Variants in GLYATL2 observed in about 807,000 individuals in gnomAD.
The protein encoded by GLYATL2 is glycine-N-acyltransferase like 2.
A neutral mutation model predicts 21.4 loss-of-function variants in GLYATL2; 25 were observed. The observed-to-expected ratio is 1.17, with a 90% CI of 0.85 to 1.63. The LOEUF (loss-of-function observed/expected upper bound fraction) is 1.63. Ranked by LOEUF, GLYATL2 falls within the 40% of genes most tolerant of loss-of-function variation. GLYATL2 has a pLI of 0.00. For synonymous variants in GLYATL2, 114 were observed against 118.2 expected, an observed-to-expected ratio of 0.96 and a Z score of 0.23; for missense variants, 361 against 343.3, an observed-to-expected ratio of 1.05 and a Z score of -0.41.
intron 1 of GLYATL2, among the ~76,000 whole-genome samples, chr11:58,895,947 A>T (rs1218071617): frequency 6.6e-6 from 1 of 151,190 alleles, no homozygotes; most frequent in Non-Finnish European, 1.5e-5. Flanking sequence ...TCTGCCTCCC[A>T]GGTTCAAGCA....
chr11:58,864,571 G>T (rs1225639133), intron 1 of GLYATL2, among the ~76,000 whole-genome samples: 3 of 148,926 alleles, frequency 2.0e-5, no homozygotes, highest in Non-Finnish European at 4.5e-5. Context: ...TCAACACAAA[G>T]GTTGCCTGTC....
At chr11:58,889,962 C>T (rs140256962) in intron 1 of GLYATL2, among the ~76,000 whole-genome samples, 7 of 152,106 alleles carry the variant, frequency 4.6e-5, no homozygotes, top group African/African-American at 1.7e-4. Flanking sequence ...TTTCAACTTT[C>T]CTTTTAGATA....
At chr11:58,853,942 G>C (rs558146) in intron 1 of GLYATL2, among the ~76,000 whole-genome samples, 134,966 of 152,098 alleles carry the variant, frequency 0.89, 61,038 homozygotes, top group Non-Finnish European at 0.98. Context: ...TGTATCCTGT[G>C]ACCATCTCCC....
At chr11:58,896,664 T>C (rs1025018216) in intron 1 of GLYATL2, among the ~76,000 whole-genome samples, 2 of 152,220 alleles carry the variant, frequency 1.3e-5, no homozygotes, top group Non-Finnish European at 2.9e-5. Flanking sequence ...TTAGAGAGGC[T>C]GCAATAAAAG....
At chr11:58,884,960 A>G (rs1429440320) in intron 1 of GLYATL2, 1 of 156,750 alleles carries the variant, frequency 6.4e-6, no homozygotes, top group African/African-American at 2.4e-5. Flanking sequence ...ATCCTGCTGA[A>G]TAATTGCCAG....
intron 1 of GLYATL2, among the ~76,000 whole-genome samples, chr11:58,881,430 T>C (rs1212219482): frequency 1.3e-5 from 2 of 152,348 alleles, no homozygotes; most frequent in African/African-American, 2.4e-5. Context: ...TTTACAGATA[T>C]GTGTCAAAAT....
chr11:58,876,582 C>G (rs1012838412), intron 1 of GLYATL2, among the ~76,000 whole-genome samples: 3 of 152,200 alleles, frequency 2.0e-5, no homozygotes, highest in Non-Finnish European at 4.4e-5. Context: ...TAGGTATCAG[C>G]AGTGGTGGCT....
At chr11:58,865,978 G>A (rs567080069) in intron 1 of GLYATL2, among the ~76,000 whole-genome samples, 1 of 149,002 alleles carries the variant, frequency 6.7e-6, no homozygotes, top group African/African-American at 2.4e-5. Context: ...GAGCTTCAGA[G>A]CTTTAAAATG....
intron 5 of GLYATL2, among the ~76,000 whole-genome samples, chr11:58,835,651 C>T (rs1020573386): frequency 4.6e-5 from 7 of 152,098 alleles, no homozygotes; most frequent in African/African-American, 7.2e-5. Context: ...AAGTTTTCTA[C>T]GGGCGATGCT....
At chr11:58,888,637 T>G (rs1025852530) in intron 1 of GLYATL2, among the ~76,000 whole-genome samples, 2 of 151,940 alleles carry the variant, frequency 1.3e-5, no homozygotes, top group Admixed American at 6.6e-5. Context: ...TATTTCTGTA[T>G]TTGTTTCTAG....
At position 58,839,635 on chromosome 11, in the gene GLYATL2, T is replaced by C; in HGVS notation, c.-23A>G. On this transcript the variant is annotated 5_prime_UTR_variant, in exon 2 of 6. Coordinates refer to ENST00000287275, the MANE Select transcript of GLYATL2 (RefSeq NM_145016.4). Reference sequence around the variant, plus strand: ...CATCTTATGTAGCACTTCAGCTTCTTTCCCTCAAGAAGATGATCTAAGGAA... The same window carrying C: ...CATCTTATGTAGCACTTCAGCTTCTCTCCCTCAAGAAGATGATCTAAGGAA... The C allele has an allele frequency of 6.4e-7, 1 of 1,567,866 alleles. No individual in the cohort carries two copies. Among genetic ancestry groups the C allele is most frequent in the Non-Finnish European group, 8.7e-7 (1 of 1,143,912 alleles).
upstream of GLYATL2, among the ~76,000 whole-genome samples, chr11:58,845,556 C>G (rs1853628082): frequency 6.6e-6 from 1 of 152,102 alleles, no homozygotes; most frequent in Non-Finnish European, 1.5e-5. Flanking sequence ...TAAGCTATTT[C>G]ACCACTGCAC....
intron 1 of GLYATL2, among the ~76,000 whole-genome samples, chr11:58,853,364 T>C (rs1448223655): frequency 6.6e-6 from 1 of 152,100 alleles, no homozygotes; most frequent in Non-Finnish European, 1.5e-5. Context: ...AAAAATAAAG[T>C]ATTTGCAGGA....
chr11:58,851,185 C>A (rs560816), intron 1 of GLYATL2, among the ~76,000 whole-genome samples: 1 of 151,980 alleles, frequency 6.6e-6, no homozygotes, highest in Non-Finnish European at 1.5e-5. Flanking sequence ...TACTGGTCTC[C>A]GCATCTTGGT....
At chr11:58,879,099 T>TG (rs1188826904) in intron 1 of GLYATL2, among the ~76,000 whole-genome samples, 3 of 152,126 alleles carry the variant, frequency 2.0e-5, no homozygotes, top group Non-Finnish European at 4.4e-5. Context: ...GTGGGACTGC[T>TG]GGGGAAAAAA....
At chr11:58,873,684 T>A (rs1361390330) in intron 1 of GLYATL2, among the ~76,000 whole-genome samples, 1 of 152,230 alleles carries the variant, frequency 6.6e-6, no homozygotes, top group Non-Finnish European at 1.5e-5. Context: ...TGGATTCAGT[T>A]TGCCAGTATT....
chr11:58,866,785 AAAGAATTTATTAT>A (rs1418957669), intron 1 of GLYATL2, among the ~76,000 whole-genome samples: 1 of 149,186 alleles, frequency 6.7e-6, no homozygotes, highest in Non-Finnish European at 1.5e-5. Context: ...GGTAACTTTA[AAAGAATTTATTAT>A]AAGTTAGATT....
chr11:58,898,414 A>G (rs1171425958), intron 1 of GLYATL2, among the ~76,000 whole-genome samples: 1 of 151,220 alleles, frequency 6.6e-6, no homozygotes, highest in African/African-American at 2.4e-5. Flanking sequence ...AGAGCCTAAC[A>G]TTGTCCATTT....
chr11:58,841,697 A>G (rs1340722905), intron 1 of GLYATL2, among the ~76,000 whole-genome samples: 2 of 152,244 alleles, frequency 1.3e-5, no homozygotes, highest in Non-Finnish European at 2.9e-5. Flanking sequence ...ACTGTCTAGG[A>G]TGATGGGTGC....
Sources: allele counts gnomAD v4.1 joint callset (sites outside exome capture counted in the v4.1 genomes callset), GRCh38; gene constraint gnomAD v4.1.1; transcripts MANE v1.5; gene names NCBI Gene and HGNC (gene_info 2026-07-23, HGNC 2026-07-21).